The following SEMA6B variants were observed in gnomAD, a reference collection of about 807,000 sequenced individuals.
The protein encoded by SEMA6B is semaphorin-6B.
Under a neutral mutation model 78.6 loss-of-function variants are expected in SEMA6B, and 47 were observed. The ratio of observed to expected loss-of-function variants is 0.60; its 90% CI spans 0.47 to 0.76. The LOEUF (loss-of-function observed/expected upper bound fraction) is 0.76, where lower values mean the gene tolerates loss of function less well. SEMA6B is among the 30% of genes least tolerant of loss of function. The probability of loss-of-function intolerance (pLI) is 0.00; values close to 1 mark genes in which losing one functional copy is unlikely to be tolerated. For synonymous variants in SEMA6B, 632 were observed against 592.2 expected (o/e 1.07, Z -0.98); for missense variants, 1,213 against 1,269.9 (o/e 0.96, Z 0.68).
At position 4,550,703 on chromosome 19, in the gene SEMA6B, A is replaced by C; in HGVS notation, c.1121+96T>G. On this transcript the variant is annotated intron_variant, in intron 11 of 16. Transcript: ENST00000586582. The surrounding 1 kb of genome is among the most constrained non-coding windows in gnomAD (Gnocchi z 6.6). ...CTGTATAACGGGTACAGCTGAACTC[A>C]GCATCAGCTAAATAACCACCCGGAA... 1 of 1,420,768 alleles carries C rather than the reference A, an allele frequency of 7.0e-7. No individual in the cohort carries two copies. Among genetic ancestry groups the C allele is most frequent in the Non-Finnish European group, 9.7e-7 (1 of 1,028,420 alleles). The allele number at this position is 1,420,768 out of a possible 1,614,324, so 88.0% of individuals were successfully genotyped here. A position where few individuals can be genotyped will look rare whatever the true frequency, so the allele number is the denominator to read the frequency against.
At chr19:4,548,204 GCATCTCAGCC>G in intron 13 of SEMA6B, 31 bp from the exon 14 acceptor site, 1 of 1,588,588 alleles carries the variant, frequency 6.3e-7, no homozygotes. Flanking sequence ...GAGGCTGAGC[GCATCTCAGCC>G]CATCTCCCCT....
At chr19:4,547,035 C>T (rs1568253165) in intron 14 of SEMA6B, among the ~76,000 whole-genome samples, 3 of 151,942 alleles carry the variant, frequency 2.0e-5, no homozygotes, top group Admixed American at 6.6e-5. Flanking sequence ...TCATAGTTCA[C>T]TGCAGCCTCA....
In SEMA6B at chr19:4,550,153, T is replaced by A; in HGVS notation, c.1241A>T (p.His414Leu). The A allele has an allele frequency of 6.2e-7, 1 of 1,613,408 alleles. No homozygotes were observed. The highest frequency in any genetic ancestry group is 8.5e-7 in the Non-Finnish European group (1 of 1,179,824). The stretch of plus-strand genomic sequence containing the variant: ...CAGGGTCCGCAGGATCCAGGGCGCA[T>A]GGCCCAGCGAGGGCACCGCCTCGTC... Reference protein sequence around the residue: ...LMDEAVPSLGHAPWILRTLMR... With the variant: ...LMDEAVPSLGLAPWILRTLMR... The change falls in exon 12 of 17, where the codon CAT (histidine) becomes CTT (leucine). Residue 414 changes from histidine to leucine, a missense_variant. Coordinates refer to ENST00000586582, the MANE Select transcript of SEMA6B (RefSeq NM_032108.4). This position sits in a 1 kb window ranked among gnomAD's most constrained non-coding sequence, Gnocchi z 6.6.
Position 4,558,518 on chromosome 19 carries a change from GC to G in SEMA6B, c.-32-30del, listed in dbSNP as rs1977537902. ...CGGGCAAGGGGCGGCGAGGTGAGCG[GC>G]CTGCAGTCCCGCTCGTGGCCACAAG... On this transcript the variant is annotated intron_variant, in intron 1 of 16. Coordinates refer to ENST00000586582, the MANE Select transcript of SEMA6B (RefSeq NM_032108.4). This position sits in a 1 kb window ranked among gnomAD's most constrained non-coding sequence, Gnocchi z 5.1. 2 of 1,231,364 alleles carry G rather than the reference GC, an allele frequency of 1.6e-6. No homozygotes were observed. Among genetic ancestry groups the G allele is most frequent in the Admixed American group, 8.4e-5 (2 of 23,684 alleles). The allele number at this position is 1,231,364 out of a possible 1,614,324, so 76.3% of individuals were successfully genotyped here.
Position 4,543,792 on chromosome 19 carries a change from T to G in SEMA6B, c.2476A>C (p.Thr826Pro). The G allele has an allele frequency of 8.2e-7, 1 of 1,219,836 alleles. No individual in the cohort carries two copies. Among genetic ancestry groups the G allele is most frequent in the Non-Finnish European group, 1.0e-6 (1 of 980,750 alleles). 75.6% of individuals were successfully genotyped at this position (1,219,836 alleles called of 1,614,324 possible). ...GLPRPWSPPPTGSLRRPLGPH... is the reference protein window; with the variant it reads ...GLPRPWSPPPPGSLRRPLGPH... The stretch of plus-strand genomic sequence containing the variant: ...CCCAGTGGCCTCCTCAGGCTGCCCG[T>G]CGGGGGCGGGCTCCAGGGCCGCGGG... The change falls in exon 17 of 17, where the codon ACG (threonine) becomes CCG (proline). Residue 826 changes from threonine (T) to proline (P), a missense_variant. Transcript: ENST00000586582.
rs528755643 is a variant in SEMA6B at position 4,548,222 on chromosome 19, C to T, written c.1454+41G>A. The T allele has an allele frequency of 5.7e-6, 9 of 1,591,028 alleles. No individual in the cohort carries two copies. In the South Asian group the frequency reaches 8.8e-5, roughly 16 times the overall value. On this transcript the variant is annotated intron_variant, in intron 13 of 16. Transcript: ENST00000586582. ...GCTGAGCGCATCTCAGCCCATCTCC[C>T]CTCCTGCTGGCGACCCCTTCCCACC...
In SEMA6B at chr19:4,544,992, G is replaced by C. The variant is rs546581635; in HGVS notation, c.1739-463C>G. ...TGTTTTGAGACAGTCCCCCAGGCTA[G>C]AGTGCAGTGGTAAAGCTCACTGCAA... On this transcript the variant is annotated intron_variant, in intron 16 of 16. Transcript: ENST00000586582. This position sits in a 1 kb window ranked among gnomAD's most constrained non-coding sequence, Gnocchi z 5.1. Among the ~76,000 whole-genome samples the C allele has an allele frequency of 1.5e-3, 223 of 152,048 alleles. No homozygotes were observed. Among genetic ancestry groups the C allele is most frequent in the African/African-American group, 4.6e-3 (190 of 41,484 alleles).
In SEMA6B at chr19:4,558,042, G is replaced by A; in HGVS notation, c.229C>T (p.Leu77=). The change falls in exon 3 of 17, where the codon CTG becomes TTG. Residue 77 remains leucine (L), a synonymous_variant. Coordinates refer to ENST00000586582, the MANE Select transcript of SEMA6B (RefSeq NM_032108.4). The surrounding 1 kb of genome is among the most constrained non-coding windows in gnomAD (Gnocchi z 5.1). The part of the protein sequence containing the change: ...IQRVLRVNRT[L]FIGDRDNLYR... ...CAGCAATACCTGTCCCCAATGAACA[G>A]CGTCCTGTTGACCCGCAGGACTCGC... is the stretch of plus-strand genomic sequence containing the variant. The A allele has an allele frequency of 6.7e-7, 1 of 1,490,764 alleles. No homozygotes were observed. The allele number at this position is 1,490,764 out of a possible 1,614,324, so 92.3% of individuals were successfully genotyped here.
Position 4,543,298 on chromosome 19 carries a change from C to CGCAAAAGAAACCAAAACT in SEMA6B, c.*285_*302dup, listed in dbSNP as rs1314612961. The CGCAAAAGAAACCAAAACT allele has an allele frequency of 1.9e-5, 9 of 467,700 alleles. No homozygotes were observed. The highest frequency in any genetic ancestry group is 3.4e-5 in the Non-Finnish European group (9 of 265,394). 29.0% of individuals were successfully genotyped at this position (467,700 alleles called of 1,614,324 possible). On this transcript the variant is annotated 3_prime_UTR_variant, in exon 17 of 17. Coordinates refer to ENST00000586582, the MANE Select transcript of SEMA6B (RefSeq NM_032108.4). ...GGAGTTGTGCAATTGGTTAGAAAACCGCAAAAGAAACCAAAACTGCAAAAA... is the reference window on the plus strand; with the variant it reads ...GGAGTTGTGCAATTGGTTAGAAAACCGCAAAAGAAACCAAAACTGCAAAAGAAACCAAAACTGCAAAAA...
chr19:4,555,010 C>T lies in SEMA6B; in HGVS notation c.648G>A (p.Leu216=). 2 of 1,614,020 alleles carry T rather than the reference C, an allele frequency of 1.2e-6. No individual in the cohort carries two copies. Among genetic ancestry groups the T allele is most frequent in the Non-Finnish European group, 1.7e-6 (2 of 1,179,988 alleles). ...IYRSLGDRPT[L]RTVKHDSKWF... The stretch of plus-strand genomic sequence containing the variant: ...ACTTGGAGTCATGTTTCACGGTGCG[C>T]AGGGTGGGCCTGTCCCCGAGGCTGC... The change falls in exon 8 of 17, where the codon CTG becomes CTA. Residue 216 remains leucine (L), a synonymous_variant. Coordinates refer to ENST00000586582, the MANE Select transcript of SEMA6B (RefSeq NM_032108.4). This position sits in a 1 kb window ranked among gnomAD's most constrained non-coding sequence, Gnocchi z 6.1.
At position 4,548,178 on chromosome 19, in the gene SEMA6B, G is replaced by A. The variant is rs1201721578; in HGVS notation, c.1455-5C>T. The stretch of plus-strand genomic sequence containing the variant: ...CCACCGCCGGGCCGTCCACACCTGG[G>A]GACAAGCAGAGTGGTGAGGCTGAGC... On this transcript the variant is annotated splice_region_variant and splice_polypyrimidine_tract_variant and intron_variant, in intron 13 of 16. Coordinates refer to ENST00000586582, the MANE Select transcript of SEMA6B (RefSeq NM_032108.4). 1.3e-6 allele frequency: 2 copies of A among 1,588,800 alleles called. No individual in the cohort carries two copies. The highest frequency in any genetic ancestry group is 1.1e-5 in the South Asian group (1 of 89,668).
chr19:4,544,173 G>C lies in SEMA6B; in HGVS notation c.2095C>G (p.Pro699Ala). Residue 699 changes from proline to alanine, a missense_variant, in exon 17 of 17, where the codon CCC (proline) becomes GCC (alanine). Pro to Ala is a conservative substitution (Grantham distance 27). Coordinates refer to ENST00000586582, the MANE Select transcript of SEMA6B (RefSeq NM_032108.4). The surrounding 1 kb of genome is among the most constrained non-coding windows in gnomAD (Gnocchi z 5.1). ...AGCAGCCCCGAGTCCAGGTCGTGGG[G>C]CCCGCCCTGCAGCAGCGTGGCCTTG... ...WAKATLLQGG[P>A]HDLDSGLLPT... 1 of 1,268,952 alleles carries C rather than the reference G, an allele frequency of 7.9e-7. No individual in the cohort carries two copies. The highest frequency in any genetic ancestry group is 9.9e-7 in the Non-Finnish European group (1 of 1,009,262). 78.6% of individuals were successfully genotyped at this position (1,268,952 alleles called of 1,614,324 possible). A position where few individuals can be genotyped will look rare whatever the true frequency, so the allele number is the denominator to read the frequency against.
At position 4,552,147 on chromosome 19, in the gene SEMA6B, C is replaced by G. The variant is rs1016049341; in HGVS notation, c.989+275G>C. On this transcript the variant is annotated intron_variant, in intron 10 of 16. Transcript: ENST00000586582. The surrounding 1 kb of genome is among the most constrained non-coding windows in gnomAD (Gnocchi z 7.4). The stretch of plus-strand genomic sequence containing the variant: ...CTTCCCTCTTCCTCCATCTCACACC[C>G]AAAGTCCAGCTCCAATGTCCCCTCC... Among the ~76,000 whole-genome samples, 26 of 152,156 alleles carry G rather than the reference C, an allele frequency of 1.7e-4. No homozygotes were observed. The highest frequency in any genetic ancestry group is 3.1e-4 in the Non-Finnish European group (21 of 68,026).
At chr19:4,551,588 T>C (rs1397329070) in intron 10 of SEMA6B, among the ~76,000 whole-genome samples, 17 of 151,062 alleles carry the variant, frequency 1.1e-4, no homozygotes, top group Non-Finnish European at 2.5e-4. Context: ...TCCCAACACT[T>C]TGGGAGGCTG....
Position 4,555,518 on chromosome 19 carries a change from C to T in SEMA6B, c.518G>A (p.Arg173His). The T allele has an allele frequency of 1.9e-6, 3 of 1,613,358 alleles. No individual in the cohort carries two copies. The highest frequency in any genetic ancestry group is 2.5e-6 in the Non-Finnish European group (3 of 1,179,780). ...PVGDNISGMA[R>H]CPYDPKHANV... Reference sequence around the variant, plus strand: ...GGCGTGCTTGGGGTCGTACGGGCAGCGGGCCATACCGCTGATGTTGTCTCC... The same window carrying T: ...GGCGTGCTTGGGGTCGTACGGGCAGTGGGCCATACCGCTGATGTTGTCTCC... The change falls in exon 7 of 17, where the codon CGC (arginine) becomes CAC (histidine). Residue 173 changes from arginine to histidine, a missense_variant. Arg to His is a conservative substitution (Grantham distance 29). Transcript: ENST00000586582. The surrounding 1 kb of genome is among the most constrained non-coding windows in gnomAD (Gnocchi z 6.1).
At chr19:4,554,008 T>C (rs1211180237) in intron 9 of SEMA6B, among the ~76,000 whole-genome samples, 1 of 151,790 alleles carries the variant, frequency 6.6e-6, no homozygotes, top group East Asian at 1.9e-4. Flanking sequence ...AGTAGATGGA[T>C]TAATGGGCTC....
intron 12 of SEMA6B, 125 bp from the exon 13 acceptor site, chr19:4,548,570 A>C: frequency 5.7e-5 from 48 of 840,186 alleles, no homozygotes; most frequent in Non-Finnish European, 8.7e-5. Context: ...ACAGCAATAA[A>C]TGCGTGTGTG....
chr19:4,544,462 C>T lies in SEMA6B; in HGVS notation c.1806G>A (p.Ser602=). 1 of 1,599,678 alleles carries T rather than the reference C, an allele frequency of 6.3e-7. No individual in the cohort carries two copies. The change falls in exon 17 of 17, where the codon TCG becomes TCA. Residue 602 remains serine (S), a synonymous_variant. Coordinates refer to ENST00000586582, the MANE Select transcript of SEMA6B (RefSeq NM_032108.4). The surrounding 1 kb of genome is among the most constrained non-coding windows in gnomAD (Gnocchi z 5.1). ...GLVSVNLLVT[S]SVAAFVVGAV... ...CTCCCACCACGAAGGCCGCCACCGA[C>T]GACGTTACCAGCAGGTTCACCGACA...
At position 4,555,845 on chromosome 19, in the gene SEMA6B, CA is replaced by C. The variant is rs1977453154; in HGVS notation, c.471+142del. The C allele has an allele frequency of 1.1e-5, 8 of 731,442 alleles. No individual in the cohort carries two copies. The highest frequency in any genetic ancestry group is 1.7e-5 in the Non-Finnish European group (7 of 418,266). 45.3% of individuals were successfully genotyped at this position (731,442 alleles called of 1,614,324 possible). A position where few individuals can be genotyped will look rare whatever the true frequency, so the allele number is the denominator to read the frequency against. On this transcript the variant is annotated intron_variant, in intron 6 of 16. Coordinates refer to ENST00000586582, the MANE Select transcript of SEMA6B (RefSeq NM_032108.4). The surrounding 1 kb of genome is among the most constrained non-coding windows in gnomAD (Gnocchi z 6.1). ...GGACAGCGCTGACTCCTCTTGAGCT[CA>C]GGGGGAGGAGGCAGGGAGAGTATAT...
Sources: allele counts gnomAD v4.1 joint callset (sites outside exome capture counted in the v4.1 genomes callset), GRCh38; gene constraint gnomAD v4.1.1; non-coding constraint Gnocchi (gnomAD v3.1); transcripts MANE v1.5; gene names NCBI Gene and HGNC (gene_info 2026-07-23, HGNC 2026-07-21).